Variants in FOXP1 observed in about 807,000 individuals in gnomAD.
FOXP1 encodes the protein forkhead box protein P1.
A neutral mutation model predicts 98.2 loss-of-function variants in FOXP1; 15 were observed. That is an observed-to-expected ratio of 0.15 (90% confidence interval 0.10 to 0.24). The LOEUF (loss-of-function observed/expected upper bound fraction) is 0.24. FOXP1 is among the 10% of genes least tolerant of loss of function. FOXP1 has a pLI of 1.00. For synonymous variants in FOXP1, 371 were observed against 314.5 expected, an observed-to-expected ratio of 1.18 and a Z score of -1.90; for missense variants, 633 against 848.5, an observed-to-expected ratio of 0.75 and a Z score of 3.15.
chr3:70,961,004 G>C (rs181592310), intron 20 of FOXP1, among the ~76,000 whole-genome samples: 6 of 151,692 alleles, frequency 4.0e-5, no homozygotes, highest in Admixed American at 6.6e-5. Flanking sequence ...CACCGCGCCC[G>C]GCTAAATTTT....
chr3:71,486,205 C>T (rs1023788698), intron 3 of FOXP1, among the ~76,000 whole-genome samples: 1 of 151,924 alleles, frequency 6.6e-6, no homozygotes, highest in Non-Finnish European at 1.5e-5. Flanking sequence ...ACATTAAAAC[C>T]AGAATAATAC....
chr3:71,284,467 G>A (rs2071899157), intron 5 of FOXP1, among the ~76,000 whole-genome samples: 1 of 152,142 alleles, frequency 6.6e-6, no homozygotes. Flanking sequence ...GGGAGCTGAT[G>A]TGGAAGGATC....
At chr3:71,575,065 C>T (rs1026883612) in intron 2 of FOXP1, among the ~76,000 whole-genome samples, 5 of 152,148 alleles carry the variant, frequency 3.3e-5, no homozygotes, top group Non-Finnish European at 2.9e-5. Flanking sequence ...ATGTGGGATG[C>T]GATTTAAAAA....
intron 5 of FOXP1, among the ~76,000 whole-genome samples, chr3:71,294,360 C>G (rs889391367): frequency 5.3e-5 from 8 of 152,162 alleles, no homozygotes; most frequent in African/African-American, 1.9e-4. Flanking sequence ...CACATAACTT[C>G]CATACGATGC....
At chr3:71,406,581 G>T (rs2108247954) in intron 3 of FOXP1, among the ~76,000 whole-genome samples, 1 of 151,604 alleles carries the variant, frequency 6.6e-6, no homozygotes, top group African/African-American at 2.4e-5. Flanking sequence ...TAAGGACACT[G>T]GTGATTCCAC....
chr3:71,016,430 C>G (rs17008139), intron 11 of FOXP1, among the ~76,000 whole-genome samples: 4,590 of 152,226 alleles, frequency 0.03, 235 homozygotes, highest in African/African-American at 0.11. Context: ...ACCATATTCT[C>G]AAATATTTTC....
intron 11 of FOXP1, among the ~76,000 whole-genome samples, chr3:71,029,509 G>C (rs773767582): frequency 1.3e-5 from 2 of 152,042 alleles, no homozygotes; most frequent in Non-Finnish European, 2.9e-5. Flanking sequence ...TTGTGCCTCA[G>C]TCTCCTGAGT....
intron 3 of FOXP1, among the ~76,000 whole-genome samples, chr3:71,459,894 C>T (rs897760854): frequency 6.6e-6 from 1 of 151,436 alleles, no homozygotes; most frequent in African/African-American, 2.4e-5. Flanking sequence ...AGATTACGTG[C>T]CATTGGATCC....
intron 6 of FOXP1, among the ~76,000 whole-genome samples, chr3:71,182,101 CTT>C (rs986221555): frequency 6.6e-6 from 1 of 151,696 alleles, no homozygotes; most frequent in Non-Finnish European, 1.5e-5. Context: ...AATCCATACT[CTT>C]TTTATTGACA....
intron 7 of FOXP1, among the ~76,000 whole-genome samples, chr3:71,068,489 G>A (rs1037966578): frequency 2.0e-5 from 3 of 152,152 alleles, no homozygotes; most frequent in Middle Eastern, 3.2e-3. Context: ...CCTGGCCCAC[G>A]TGGTCCTCAG....
chr3:71,567,356 C>T (rs910637090), intron 2 of FOXP1, among the ~76,000 whole-genome samples: 6 of 152,152 alleles, frequency 3.9e-5, no homozygotes, highest in Non-Finnish European at 7.4e-5. Flanking sequence ...TCACTGCCAC[C>T]GAGATAAACC....
intron 3 of FOXP1, among the ~76,000 whole-genome samples, chr3:71,374,182 T>A (rs1334037723): frequency 6.6e-6 from 1 of 152,244 alleles, no homozygotes; most frequent in East Asian, 1.9e-4. Flanking sequence ...GTTCTCAGCA[T>A]CCATAAAGGC....
chr3:71,544,588 C>A (rs1381674535), intron 2 of FOXP1, among the ~76,000 whole-genome samples: 1 of 152,154 alleles, frequency 6.6e-6, no homozygotes, highest in Non-Finnish European at 1.5e-5. Flanking sequence ...AATGGCTAAA[C>A]AATCTTTCAA....
chr3:71,411,456 A>C (rs1451491859), intron 3 of FOXP1, among the ~76,000 whole-genome samples: 3 of 152,112 alleles, frequency 2.0e-5, no homozygotes, highest in Admixed American at 6.6e-5. Context: ...CTGGGACTAC[A>C]CACACACAGG....
intron 7 of FOXP1, among the ~76,000 whole-genome samples, chr3:71,097,683 A>G (rs752028218): frequency 1.2e-4 from 19 of 152,210 alleles, no homozygotes; most frequent in Non-Finnish European, 2.5e-4. Context: ...GGGGCTCATT[A>G]TAAATTACAG....
At position 71,151,374 on chromosome 3, in the gene FOXP1, G is replaced by A. The variant is rs2060565310; in HGVS notation, c.181-38737C>T. Among the ~76,000 whole-genome samples, 3 of 152,328 alleles carry A rather than the reference G, an allele frequency of 2.0e-5. No homozygotes were observed. In the South Asian group the frequency reaches 6.2e-4, roughly 32 times the overall value. ...TAATAGGAACACTGCCTAGTTCAAT[G>A]TGGGAACAAAGTTGTATTGGGGGAG... is the stretch of plus-strand genomic sequence containing the variant. On this transcript the variant is annotated intron_variant, in intron 6 of 20. Coordinates refer to ENST00000649528, the MANE Select transcript of FOXP1 (RefSeq NM_001349338.3).
intron 3 of FOXP1, among the ~76,000 whole-genome samples, chr3:71,389,254 C>CGGGGGGGGGGGGGGGGG (rs1560413261): frequency 1.6e-4 from 1 of 6,062 alleles, no homozygotes; most frequent in African/African-American, 5.2e-4. Flanking sequence ...GGGGGGGGGC[C>CGGGGGGGGGGGGGGGGG]GGGGGGGGCG....
In FOXP1 at chr3:71,429,441, G is replaced by A. The variant is rs192073161; in HGVS notation, c.-168+63985C>T. 4.1e-4 allele frequency among the ~76,000 whole-genome samples: 56 copies of A among 134,992 alleles called. 1 individual carries two copies. The highest frequency in any genetic ancestry group is 1.1e-3 in the African/African-American group (39 of 36,566). 88.6% of individuals were successfully genotyped at this position (134,992 alleles called of 152,430 possible). ...TGTGCCAAGAAGCAGGCAGCGAGGC[G>A]GAACTCAGCACTTGTGTGTGCTGCT... On this transcript the variant is annotated intron_variant, in intron 3 of 20. Transcript: ENST00000649528.
At chr3:71,194,676 A>T (rs1019174929) in intron 6 of FOXP1, among the ~76,000 whole-genome samples, 2 of 152,238 alleles carry the variant, frequency 1.3e-5, no homozygotes, top group Non-Finnish European at 2.9e-5. Context: ...CAACTTTTAC[A>T]GACATAGAAA....
Sources: gnomAD v4.1 joint callset for allele counts (sites outside exome capture counted in the v4.1 genomes callset) on GRCh38, gnomAD v4.1.1 for gene constraint, MANE v1.5 for transcripts, NCBI Gene and HGNC (gene_info 2026-07-23, HGNC 2026-07-21) for gene names.